Variants in ANKRD45 observed in about 807,000 individuals in gnomAD.
ANKRD45 encodes the protein ankyrin repeat domain 45, also known as ankyrin repeat domain-containing protein 45.
Under a neutral mutation model 28.1 loss-of-function variants are expected in ANKRD45, and 21 were observed. The ratio of observed to expected loss-of-function variants is 0.75; its 90% CI spans 0.53 to 1.08. The LOEUF (loss-of-function observed/expected upper bound fraction) is 1.08. Among genes scored for constraint, ANKRD45 ranks in the 50% least tolerant of loss-of-function variants. The probability of loss-of-function intolerance (pLI) is 0.00; values close to 1 mark genes in which losing one functional copy is unlikely to be tolerated. For synonymous variants in ANKRD45, 86 were observed against 103.9 expected (o/e 0.83, Z 1.05); for missense variants, 261 against 308.7 (o/e 0.85, Z 1.16).
At chr1:173,635,516 A>T (rs1571724213) in intron 3 of ANKRD45, 4 of 1,495,686 alleles carry the variant, frequency 2.7e-6, no homozygotes, top group Non-Finnish European at 3.5e-6. Flanking sequence ...CAATTGACAA[A>T]GAAGGATGTC....
chr1:173,700,561 A>G, the ANKRD45 span, among the ~76,000 whole-genome samples: 1 of 152,226 alleles, frequency 6.6e-6, no homozygotes, highest in Non-Finnish European at 1.5e-5. Context: ...GACAAAAACA[A>G]GAAATGGGGA....
intron 5 of ANKRD45, 75 bp downstream of exon 5, chr1:173,624,712 T>C: frequency 1.4e-6 from 2 of 1,437,534 alleles, no homozygotes; most frequent in Non-Finnish European, 9.5e-7. Flanking sequence ...AAAATCAGAA[T>C]ATCTCAAAAA....
chr1:173,661,714 A>T (rs1367657121), intron 1 of ANKRD45, among the ~76,000 whole-genome samples: 2 of 152,208 alleles, frequency 1.3e-5, no homozygotes, highest in Non-Finnish European at 2.9e-5. Flanking sequence ...CATATAATTC[A>T]GTGTTTACTG....
chr1:173,673,415 A>G (rs554681797), upstream of ANKRD45, among the ~76,000 whole-genome samples: 1 of 152,178 alleles, frequency 6.6e-6, no homozygotes, highest in African/African-American at 2.4e-5. Flanking sequence ...ACCCTGCCAT[A>G]TTTCTATACT....
chr1:173,689,421 T>A, the ANKRD45 span, among the ~76,000 whole-genome samples: 3 of 152,190 alleles, frequency 2.0e-5, no homozygotes, highest in Admixed American at 2.0e-4. Context: ...TTTTGTCTTT[T>A]TTTTTCTCTT....
chr1:173,643,316 G>A (rs1398802148), intron 3 of ANKRD45, among the ~76,000 whole-genome samples: 1 of 151,738 alleles, frequency 6.6e-6, no homozygotes, highest in Non-Finnish European at 1.5e-5. Flanking sequence ...TAGGATTACA[G>A]GCTCCTGCCA....
At chr1:173,612,387 G>A (rs1270595867) in intron 5 of ANKRD45, among the ~76,000 whole-genome samples, 2 of 148,294 alleles carry the variant, frequency 1.3e-5, no homozygotes, top group Admixed American at 6.7e-5. Context: ...TAATGACCAG[G>A]AAAAGAAAAA....
chr1:173,666,090 A>G (rs1312563751), intron 1 of ANKRD45, among the ~76,000 whole-genome samples: 2 of 152,212 alleles, frequency 1.3e-5, no homozygotes, highest in Non-Finnish European at 2.9e-5. Context: ...TAACGAAAAA[A>G]TAGTTTATGA....
intron 2 of ANKRD45, 39 bp downstream of exon 2, chr1:173,659,052 G>T: frequency 6.3e-7 from 1 of 1,589,570 alleles, no homozygotes; most frequent in East Asian, 2.2e-5. Flanking sequence ...TCTTTAGGTA[G>T]TCATAAGTAA....
the ANKRD45 span, among the ~76,000 whole-genome samples, chr1:173,713,208 T>G: frequency 6.6e-6 from 1 of 152,178 alleles, no homozygotes; most frequent in Non-Finnish European, 1.5e-5. Context: ...GGTCTAGGAT[T>G]TGTACCTATG....
intron 1 of ANKRD45, among the ~76,000 whole-genome samples, chr1:173,660,222 G>T (rs1212574319): frequency 1.3e-5 from 2 of 152,088 alleles, no homozygotes. Context: ...TGTCTTAATG[G>T]TGCTTCAGTC....
intron 3 of ANKRD45, chr1:173,636,935 T>C: frequency 6.5e-7 from 1 of 1,535,770 alleles, no homozygotes; most frequent in Non-Finnish European, 8.7e-7. Context: ...ATCAGTGATA[T>C]ACAAGATCTG....
the ANKRD45 span, among the ~76,000 whole-genome samples, chr1:173,696,966 T>A: frequency 6.6e-6 from 1 of 152,096 alleles, no homozygotes; most frequent in African/African-American, 2.4e-5. Context: ...GTAGAGAAGA[T>A]CTTAAATGAC....
the ANKRD45 span, among the ~76,000 whole-genome samples, chr1:173,684,679 A>C: frequency 2.0e-5 from 3 of 152,226 alleles, no homozygotes; most frequent in Admixed American, 6.5e-5. Flanking sequence ...TTATACTTCC[A>C]TTAAGGGTGA....
chr1:173,705,539 C>T, the ANKRD45 span, among the ~76,000 whole-genome samples: 7 of 150,066 alleles, frequency 4.7e-5, no homozygotes, highest in Admixed American at 3.3e-4. Flanking sequence ...TGGTGGCATG[C>T]GCCCGTAGTC....
rs558430269 is a variant in ANKRD45 at position 173,656,101 on chromosome 1, C to T, written c.328+2990G>A. On this transcript the variant is annotated intron_variant, in intron 2 of 5. Coordinates refer to ENST00000333279, the MANE Select transcript of ANKRD45 (RefSeq NM_198493.3). ...CTGCCCTGCTTTGGCTCACCCTCCACGGGCTGCACCCAATGTCCAACCAGT... is the reference window on the plus strand; with the variant it reads ...CTGCCCTGCTTTGGCTCACCCTCCATGGGCTGCACCCAATGTCCAACCAGT... 3.3e-5 allele frequency among the ~76,000 whole-genome samples: 5 copies of T among 152,268 alleles called. No individual in the cohort carries two copies. The South Asian group carries it at 1.0e-3, about 32-fold the overall frequency.
chr1:173,712,579 G>A, the ANKRD45 span, among the ~76,000 whole-genome samples: 38 of 152,274 alleles, frequency 2.5e-4, no homozygotes, highest in African/African-American at 7.7e-4. Flanking sequence ...TAATACAGTT[G>A]AAGCTGTGCA....
At chr1:173,637,097 C>A in intron 3 of ANKRD45, 1 of 1,169,432 alleles carries the variant, frequency 8.6e-7, no homozygotes, top group Non-Finnish European at 1.2e-6. Flanking sequence ...AATCTATCAT[C>A]TAAGGATTAA....
the ANKRD45 span, among the ~76,000 whole-genome samples, chr1:173,707,339 CTTT>C: frequency 1.0e-3 from 146 of 142,786 alleles, 1 homozygote; most frequent in African/African-American, 3.5e-3. Flanking sequence ...AGTGTTTCTC[CTTT>C]TTTTTTTTTA....
Sources: allele counts gnomAD v4.1 joint callset (sites outside exome capture counted in the v4.1 genomes callset), GRCh38; gene constraint gnomAD v4.1.1; transcripts MANE v1.5; gene names NCBI Gene and HGNC (gene_info 2026-07-23, HGNC 2026-07-21).